Variants in TAF4 observed in about 807,000 individuals in gnomAD.
TAF4 encodes transcription initiation factor TFIID subunit 4.
TAF4 carries 9 observed loss-of-function variants against 90.3 expected under a neutral mutation model. That is an observed-to-expected ratio of 0.10 (90% CI 0.06 to 0.17). TAF4 has a LOEUF of 0.17. Among genes scored for constraint, TAF4 ranks in the 10% least tolerant of loss-of-function variants. TAF4 has a pLI of 1.00. For synonymous variants in TAF4, 818 were observed against 638.9 expected (o/e 1.28, Z -4.23); for missense variants, 1,351 against 1,370.7 (o/e 0.99, Z 0.23).
In TAF4 at chr20:62,006,894, T is replaced by C. The variant is rs1263774698; in HGVS notation, c.1975-136A>G. 3 of 1,228,248 alleles carry C rather than the reference T, an allele frequency of 2.4e-6. No homozygotes were observed. The highest frequency in any genetic ancestry group is 2.1e-6 in the Non-Finnish European group (2 of 954,506). 76.1% of individuals were successfully genotyped at this position (1,228,248 alleles called of 1,614,324 possible). A position where few individuals can be genotyped will look rare whatever the true frequency, so the allele number is the denominator to read the frequency against. On this transcript the variant is annotated intron_variant, in intron 6 of 14. Coordinates refer to ENST00000252996, the MANE Select transcript of TAF4 (RefSeq NM_003185.4). This position sits in a 1 kb window ranked among gnomAD's most constrained non-coding sequence, Gnocchi z 7.0. ...ATGGATCTTGGCCCTCACGGCAGCA[T>C]GTCTGGATGTCAAGGGCCAGGACCC...
At chr20:62,030,970 A>T (rs917653413) in intron 1 of TAF4, among the ~76,000 whole-genome samples, 1 of 152,184 alleles carries the variant, frequency 6.6e-6, no homozygotes, top group Admixed American at 6.5e-5. Context: ...GAAATGCCTG[A>T]GTCTATTTGA....
At chr20:62,040,322 CCACTTG>C (rs771951937) in intron 1 of TAF4, among the ~76,000 whole-genome samples, 7 of 152,270 alleles carry the variant, frequency 4.6e-5, no homozygotes, top group Non-Finnish European at 1.0e-4. Flanking sequence ...ACACGACACA[CCACTTG>C]GGCACCACGC....
intron 1 of TAF4, among the ~76,000 whole-genome samples, chr20:62,034,576 C>T (rs373487665): frequency 1.3e-5 from 2 of 152,070 alleles, no homozygotes; most frequent in South Asian, 4.1e-4. Flanking sequence ...GCAATCCTCC[C>T]ATCTCAGCCT....
chr20:62,036,457 C>CA (rs1263004151), intron 1 of TAF4, among the ~76,000 whole-genome samples: 2 of 152,168 alleles, frequency 1.3e-5, no homozygotes, highest in Non-Finnish European at 2.9e-5. Flanking sequence ...TGCTGGGAGG[C>CA]AAGTGAACTG....
chr20:61,990,906 C>T (rs148024508), intron 14 of TAF4, among the ~76,000 whole-genome samples: 3 of 152,196 alleles, frequency 2.0e-5, no homozygotes, highest in African/African-American at 4.8e-5. Flanking sequence ...GTTACAAGTT[C>T]GAGAAACCTA....
At chr20:62,031,269 CCCTCGT>C (rs1196925288) in intron 1 of TAF4, among the ~76,000 whole-genome samples, 1 of 152,196 alleles carries the variant, frequency 6.6e-6, no homozygotes, top group Non-Finnish European at 1.5e-5. Flanking sequence ...GGCGTCCAAG[CCCTCGT>C]CCTCCAGGCA....
At chr20:62,040,708 T>C (rs1253380768) in intron 1 of TAF4, among the ~76,000 whole-genome samples, 3 of 152,196 alleles carry the variant, frequency 2.0e-5, no homozygotes, top group Non-Finnish European at 2.9e-5. Context: ...CAGCAAGATC[T>C]CACGGCAGCA....
At chr20:61,976,622 G>T (rs941601040) in intron 14 of TAF4, among the ~76,000 whole-genome samples, 10 of 152,214 alleles carry the variant, frequency 6.6e-5, no homozygotes, top group African/African-American at 2.4e-4. Context: ...GGACTAGGGG[G>T]TGGCACCCAC....
At position 62,006,251 on chromosome 20, in the gene TAF4, C is replaced by T. The variant is rs2055744371; in HGVS notation, c.2223+259G>A. On this transcript the variant is annotated intron_variant, in intron 7 of 14. Transcript: ENST00000252996. This position sits in a 1 kb window ranked among gnomAD's most constrained non-coding sequence, Gnocchi z 7.0. ...CATTCATTTACACCAGTAACATCCC[C>T]AGACAAGGCAGGGCGGGGACGTGCC... The T allele has an allele frequency of 2.6e-6, 1 of 390,478 alleles. No individual in the cohort carries two copies. The highest frequency in any genetic ancestry group is 1.2e-4 in the South Asian group (1 of 8,548). The allele number at this position is 390,478 out of a possible 1,614,324, so 24.2% of individuals were successfully genotyped here.
At chr20:62,009,006 G>A in intron 5 of TAF4, 46 bp downstream of exon 5, 1 of 1,596,812 alleles carries the variant, frequency 6.3e-7, no homozygotes, top group African/African-American at 1.3e-5. Flanking sequence ...TCTGTCCTAT[G>A]CAACAGGCTT....
chr20:62,013,561 T>G (rs2055792028), intron 2 of TAF4, among the ~76,000 whole-genome samples: 1 of 152,230 alleles, frequency 6.6e-6, no homozygotes, highest in African/African-American at 2.4e-5. Context: ...CTGGGTGGTC[T>G]CTGGCAGCCT....
chr20:62,035,640 C>T (rs1052798295), intron 1 of TAF4, among the ~76,000 whole-genome samples: 1 of 152,186 alleles, frequency 6.6e-6, no homozygotes, highest in African/African-American at 2.4e-5. Flanking sequence ...CTATTACCTT[C>T]GGGTTAGAAA....
chr20:62,011,926 C>T (rs2055780854), intron 3 of TAF4, among the ~76,000 whole-genome samples: 1 of 152,236 alleles, frequency 6.6e-6, no homozygotes, highest in South Asian at 2.1e-4. Context: ...TTCCTGCTGA[C>T]TGCCCAGAGA....
intron 7 of TAF4, chr20:62,004,893 C>T (rs965418004): frequency 2.6e-5 from 4 of 152,312 alleles, no homozygotes; most frequent in African/African-American, 9.6e-5. Context: ...GGCCCTGTCC[C>T]CAGGATGCTG....
chr20:61,989,772 A>ATAG (rs1357040398), intron 14 of TAF4, among the ~76,000 whole-genome samples: 39 of 152,238 alleles, frequency 2.6e-4, no homozygotes, highest in African/African-American at 7.9e-4. Flanking sequence ...CCTGGCATCC[A>ATAG]CAGCACTGCA....
In TAF4 at chr20:62,006,306, T is replaced by C. The variant is rs1347686159; in HGVS notation, c.2223+204A>G. The C allele has an allele frequency of 2.8e-6, 2 of 710,476 alleles. No individual in the cohort carries two copies. The highest frequency in any genetic ancestry group is 3.7e-5 in the African/African-American group (2 of 54,202). The allele number at this position is 710,476 out of a possible 1,614,324, so 44.0% of individuals were successfully genotyped here. On this transcript the variant is annotated intron_variant, in intron 7 of 14. Coordinates refer to ENST00000252996, the MANE Select transcript of TAF4 (RefSeq NM_003185.4). This position sits in a 1 kb window ranked among gnomAD's most constrained non-coding sequence, Gnocchi z 7.0. ...GTTCAAAGCCAACTCAACTATTTCA[T>C]TTTACTGAGACAAAATACAACATCC... is the stretch of plus-strand genomic sequence containing the variant.
At chr20:62,045,102 T>C (rs2055985721) in intron 1 of TAF4, among the ~76,000 whole-genome samples, 1 of 152,084 alleles carries the variant, frequency 6.6e-6, no homozygotes. Context: ...AAAACACAGG[T>C]GAGTAGGTAA....
At position 62,027,803 on chromosome 20, in the gene TAF4, C is replaced by G. The variant is rs192906435; in HGVS notation, c.1361-13096G>C. Reference sequence around the variant, plus strand: ...CTGTCACCAAGCCCTCAACACACAACGGAGGGCACAGCAGGCATGGCCCAC... The same window carrying G: ...CTGTCACCAAGCCCTCAACACACAAGGGAGGGCACAGCAGGCATGGCCCAC... On this transcript the variant is annotated intron_variant, in intron 1 of 14. Coordinates refer to ENST00000252996, the MANE Select transcript of TAF4 (RefSeq NM_003185.4). 4.6e-5 allele frequency among the ~76,000 whole-genome samples: 7 copies of G among 152,332 alleles called. No individual in the cohort carries two copies. The East Asian group carries it at 1.3e-3, about 29-fold the overall frequency.
intron 1 of TAF4, among the ~76,000 whole-genome samples, chr20:62,032,038 T>G (rs1167058799): frequency 6.6e-6 from 1 of 152,190 alleles, no homozygotes; most frequent in Non-Finnish European, 1.5e-5. Flanking sequence ...AGCCTGCACC[T>G]CCCATCTCGC....
Sources: allele counts gnomAD v4.1 joint callset (sites outside exome capture counted in the v4.1 genomes callset), GRCh38; gene constraint gnomAD v4.1.1; non-coding constraint Gnocchi (gnomAD v3.1); transcripts MANE v1.5; gene names NCBI Gene and HGNC (gene_info 2026-07-23, HGNC 2026-07-21).